Variants in PPP4R4 observed in about 807,000 individuals in gnomAD.
PPP4R4 encodes the protein serine/threonine-protein phosphatase 4 regulatory subunit 4.
A neutral mutation model predicts 121.8 loss-of-function variants in PPP4R4; 70 were observed. The observed-to-expected ratio is 0.57, with a 90% CI of 0.47 to 0.70. The LOEUF (loss-of-function observed/expected upper bound fraction) is 0.70, where lower values mean the gene tolerates loss of function less well. Ranked by LOEUF, PPP4R4 falls within the 30% of genes least tolerant of loss-of-function variation. PPP4R4 has a pLI of 0.00. For synonymous variants in PPP4R4, 348 were observed against 355.7 expected (o/e 0.98, Z 0.24); for missense variants, 875 against 1,033.6 (o/e 0.85, Z 2.10).
At chr14:94,278,427 T>C (rs1001891386) in intron 24 of PPP4R4, among the ~76,000 whole-genome samples, 192 bp from the exon 25 acceptor site, 1 of 152,238 alleles carries the variant, frequency 6.6e-6, no homozygotes, top group African/African-American at 2.4e-5. Context: ...TAATCTTTAA[T>C]GTGTAATTCA....
chr14:94,196,930 T>G (rs772434481), intron 2 of PPP4R4, among the ~76,000 whole-genome samples: 1 of 152,164 alleles, frequency 6.6e-6, no homozygotes, highest in Non-Finnish European at 1.5e-5. Context: ...AAATTAACTA[T>G]CCGTGTAATT....
chr14:94,176,476 A>C (rs904639243), intron 2 of PPP4R4, among the ~76,000 whole-genome samples: 3 of 152,162 alleles, frequency 2.0e-5, no homozygotes, highest in Non-Finnish European at 4.4e-5. Context: ...TTTTAAGTTC[A>C]TTGTAGAGTA....
At chr14:94,245,025 C>CT (rs1244667075) in intron 12 of PPP4R4, among the ~76,000 whole-genome samples, 1 of 151,784 alleles carries the variant, frequency 6.6e-6, no homozygotes, top group Admixed American at 6.6e-5. Context: ...TTTTCTTTTT[C>CT]TTTTTTATAT....
chr14:94,236,042 G>A (rs897237015), intron 7 of PPP4R4, among the ~76,000 whole-genome samples: 30 of 152,094 alleles, frequency 2.0e-4, no homozygotes, highest in Admixed American at 6.5e-5. Context: ...GTCACACAGG[G>A]TATGGTAGAG....
chr14:94,174,964 C>CT (rs1888589253), intron 1 of PPP4R4, among the ~76,000 whole-genome samples: 1 of 118,684 alleles, frequency 8.4e-6, no homozygotes, highest in South Asian at 3.3e-4. Flanking sequence ...CGCGGACCCC[C>CT]TTCCTTCCGC....
chr14:94,276,137 G>C (rs989024998), intron 24 of PPP4R4, among the ~76,000 whole-genome samples: 1 of 152,168 alleles, frequency 6.6e-6, no homozygotes, highest in African/African-American at 2.4e-5. Context: ...GACTATATCA[G>C]GGTATAAATG....
intron 3 of PPP4R4, among the ~76,000 whole-genome samples, chr14:94,217,365 G>A (rs758018352): frequency 4.6e-5 from 7 of 152,186 alleles, no homozygotes; most frequent in Middle Eastern, 3.2e-3. Flanking sequence ...CAGCTCAACT[G>A]CTAACTAGAC....
At chr14:94,180,294 C>T (rs577883361) in intron 2 of PPP4R4, among the ~76,000 whole-genome samples, 6 of 152,262 alleles carry the variant, frequency 3.9e-5, no homozygotes, top group Admixed American at 2.6e-4. Context: ...GATAGATATC[C>T]ATTAACTTCG....
intron 2 of PPP4R4, among the ~76,000 whole-genome samples, chr14:94,189,269 G>A (rs1889464260): frequency 6.6e-6 from 1 of 152,164 alleles, no homozygotes; most frequent in South Asian, 2.1e-4. Flanking sequence ...TTGTCACAAT[G>A]TGAAGGAGAT....
intron 18 of PPP4R4, 82 bp from the exon 19 acceptor site, chr14:94,259,213 T>C: frequency 6.6e-7 from 1 of 1,516,742 alleles, no homozygotes; most frequent in South Asian, 1.3e-5. Flanking sequence ...TCAAACCATA[T>C]CATTTATATT....
intron 3 of PPP4R4, among the ~76,000 whole-genome samples, chr14:94,226,749 T>C (rs1000022746): frequency 6.6e-6 from 1 of 152,160 alleles, no homozygotes; most frequent in African/African-American, 2.4e-5. Flanking sequence ...TTCAAAATAA[T>C]CAATGCTATC....
At position 94,240,798 on chromosome 14, in the gene PPP4R4, A is replaced by G. The variant is rs1394244797; in HGVS notation, c.976+3A>G. 2.6e-6 allele frequency: 4 copies of G among 1,559,216 alleles called. No individual in the cohort carries two copies. Among genetic ancestry groups the G allele is most frequent in the Non-Finnish European group, 3.5e-6 (4 of 1,158,956 alleles). On this transcript the variant is annotated splice_donor_region_variant and intron_variant, in intron 9 of 24. Coordinates refer to ENST00000304338, the MANE Select transcript of PPP4R4 (RefSeq NM_058237.2). The stretch of plus-strand genomic sequence containing the variant: ...AAAACTATGTCATGGACTATATGGT[A>G]TGATATATCCTAAGAATTTTGAGAC...
At chr14:94,232,245 A>T (rs1053689097) in intron 5 of PPP4R4, among the ~76,000 whole-genome samples, 2 of 152,200 alleles carry the variant, frequency 1.3e-5, no homozygotes, top group African/African-American at 4.8e-5. Flanking sequence ...ATTCCTATAT[A>T]CATTTCTTTC....
Position 94,219,251 on chromosome 14 carries a change from T to G in PPP4R4, c.294+10685T>G, listed in dbSNP as rs550772903. On this transcript the variant is annotated intron_variant, in intron 3 of 24. Transcript: ENST00000304338. ...CTGCCATGCCCAGCTAATTTTTATG[T>G]TTTTAGTAGAGACAGGGTTTCACCA... Among the ~76,000 whole-genome samples, 7 of 148,458 alleles carry G rather than the reference T, an allele frequency of 4.7e-5. No individual in the cohort carries two copies. The South Asian group carries it at 6.2e-4, about 13-fold the overall frequency.
chr14:94,199,696 A>T (rs1328822678), intron 2 of PPP4R4, among the ~76,000 whole-genome samples: 1 of 152,108 alleles, frequency 6.6e-6, no homozygotes, highest in African/African-American at 2.4e-5. Flanking sequence ...GCTGCTTAGC[A>T]GCCCGCGCTC....
intron 2 of PPP4R4, among the ~76,000 whole-genome samples, chr14:94,178,549 TTATA>T (rs1375571716): frequency 6.6e-6 from 1 of 151,970 alleles, no homozygotes; most frequent in African/African-American, 2.4e-5. Flanking sequence ...AAAAAGCATT[TTATA>T]TATAGAGTAC....
intron 2 of PPP4R4, among the ~76,000 whole-genome samples, chr14:94,184,721 G>C (rs1400345062): frequency 1.3e-5 from 2 of 152,168 alleles, no homozygotes; most frequent in East Asian, 1.9e-4. Context: ...AAGTGTTTAG[G>C]GTTCTTCATA....
chr14:94,254,097 A>T (rs2139606814), intron 16 of PPP4R4, among the ~76,000 whole-genome samples: 1 of 152,318 alleles, frequency 6.6e-6, no homozygotes, highest in East Asian at 1.9e-4. Context: ...AATAACTGAG[A>T]TAATATACAT....
chr14:94,245,019 CTTT>C, intron 12 of PPP4R4, among the ~76,000 whole-genome samples: 1 of 151,960 alleles, frequency 6.6e-6, no homozygotes, highest in African/African-American at 2.4e-5. Flanking sequence ...TATTTGTTTT[CTTT>C]TTCTTTTTTA....
Sources: gnomAD v4.1 joint callset for allele counts (sites outside exome capture counted in the v4.1 genomes callset) on GRCh38, gnomAD v4.1.1 for gene constraint, MANE v1.5 for transcripts, NCBI Gene and HGNC (gene_info 2026-07-23, HGNC 2026-07-21) for gene names.